Variants in UBE2R2 observed in about 807,000 individuals in gnomAD.
UBE2R2 encodes the protein ubiquitin-conjugating enzyme E2 R2.
Under a neutral mutation model 27.8 loss-of-function variants are expected in UBE2R2, and 1 was observed. The ratio of observed to expected loss-of-function variants is 0.04; its 90% CI spans 0.01 to 0.17. UBE2R2 has a LOEUF of 0.17. Among genes scored for constraint, UBE2R2 ranks in the 10% least tolerant of loss-of-function variants. UBE2R2 has a pLI of 1.00. For missense variants in UBE2R2, 100 were observed against 291.0 expected (o/e 0.34, Z 4.78); for synonymous variants, 106 against 113.3 (o/e 0.94, Z 0.41).
At chr9:33,898,150 ATCT>A in intron 2 of UBE2R2, among the ~76,000 whole-genome samples, 1 of 151,622 alleles carries the variant, frequency 6.6e-6, no homozygotes, top group Admixed American at 6.6e-5. Flanking sequence ...CAGTGGCGTG[ATCT>A]CAGCTCACTG....
intron 1 of UBE2R2, among the ~76,000 whole-genome samples, chr9:33,855,086 G>A (rs555396435): frequency 6.6e-6 from 1 of 152,132 alleles, no homozygotes; most frequent in African/African-American, 2.4e-5. Flanking sequence ...TTTGTTACTT[G>A]ACATATTTTG....
At chr9:33,877,014 C>G (rs1406361564) in intron 1 of UBE2R2, among the ~76,000 whole-genome samples, 1 of 151,678 alleles carries the variant, frequency 6.6e-6, no homozygotes, top group Non-Finnish European at 1.5e-5. Flanking sequence ...CATGTTGGCA[C>G]ATGCCTGTAA....
chr9:33,817,533 C>T lies in UBE2R2; in HGVS notation c.-225C>T, dbSNP rs1206404503. On this transcript the variant is annotated 5_prime_UTR_variant, in exon 1 of 5. Coordinates refer to ENST00000263228, the MANE Select transcript of UBE2R2 (RefSeq NM_017811.4). ...CCTCGACCTCTCCTCTCGCCCGGCC[C>T]GAGTGTGAGGAGAAGGGCCCGGCCC... 1.1e-5 allele frequency: 3 copies of T among 268,894 alleles called. No homozygotes were observed. Among genetic ancestry groups the T allele is most frequent in the African/African-American group, 4.6e-5 (2 of 43,762 alleles). 16.7% of individuals were successfully genotyped at this position (268,894 alleles called of 1,614,324 possible).
chr9:33,860,054 G>A (rs919296820), intron 1 of UBE2R2, among the ~76,000 whole-genome samples: 2 of 151,432 alleles, frequency 1.3e-5, no homozygotes, highest in Non-Finnish European at 2.9e-5. Flanking sequence ...CAGTTCTCCT[G>A]CCTTGGCCTC....
At chr9:33,853,862 A>T (rs1404332580) in intron 1 of UBE2R2, among the ~76,000 whole-genome samples, 1 of 146,596 alleles carries the variant, frequency 6.8e-6, no homozygotes, top group Non-Finnish European at 1.5e-5. Flanking sequence ...CTAGATAATT[A>T]AAAAAAAATA....
intron 1 of UBE2R2, among the ~76,000 whole-genome samples, chr9:33,864,096 G>C (rs940257904): frequency 1.3e-5 from 2 of 152,094 alleles, no homozygotes; most frequent in Non-Finnish European, 2.9e-5. Context: ...TAAAGTGCTG[G>C]GATTACAGGT....
rs1825839137 is a variant in UBE2R2, at chr9:33,817,748, CGCCGCCGCG to C, written c.-9_-1del. ...CCGGGCCCGGCGCCGCCGCCGCCGC[CGCCGCCGCG>C]ATGGCCCAGCAGCAGATGACCAGCT... On this transcript the variant is annotated 5_prime_UTR_variant, in exon 1 of 5. Coordinates refer to ENST00000263228, the MANE Select transcript of UBE2R2 (RefSeq NM_017811.4). 6.6e-7 allele frequency: 1 copy of C among 1,522,422 alleles called. No individual in the cohort carries two copies. The highest frequency in any genetic ancestry group is 1.2e-5 in the South Asian group (1 of 83,224). 94.3% of individuals were successfully genotyped at this position (1,522,422 alleles called of 1,614,324 possible).
At chr9:33,847,799 C>T (rs2130749070) in intron 1 of UBE2R2, among the ~76,000 whole-genome samples, 1 of 137,452 alleles carries the variant, frequency 7.3e-6, no homozygotes, top group South Asian at 2.2e-4. Context: ...GTTGCCCAGG[C>T]TGGAGTGCAA....
chr9:33,911,300 C>T (rs934458585), intron 3 of UBE2R2, among the ~76,000 whole-genome samples: 13 of 144,384 alleles, frequency 9.0e-5, no homozygotes, highest in Non-Finnish European at 1.8e-4. Context: ...CCCAGCTACT[C>T]GGGAGGCTGA....
intron 1 of UBE2R2, among the ~76,000 whole-genome samples, chr9:33,883,059 A>T (rs1315987464): frequency 1.3e-5 from 2 of 152,180 alleles, no homozygotes; most frequent in Non-Finnish European, 2.9e-5. Context: ...ACTGCACTTC[A>T]GCCTGGGCAA....
intron 2 of UBE2R2, among the ~76,000 whole-genome samples, chr9:33,888,495 C>T (rs1480063221): frequency 6.6e-6 from 1 of 152,068 alleles, no homozygotes. Flanking sequence ...ACTGAGCTAA[C>T]ATCACCTTTA....
chr9:33,829,014 T>G (rs1476754789), intron 1 of UBE2R2, among the ~76,000 whole-genome samples: 1 of 151,996 alleles, frequency 6.6e-6, no homozygotes, highest in Non-Finnish European at 1.5e-5. Context: ...GGATTACAAG[T>G]GTGAGCCACC....
At chr9:33,837,227 ATTTG>A (rs1444793325) in intron 1 of UBE2R2, among the ~76,000 whole-genome samples, 1 of 149,658 alleles carries the variant, frequency 6.7e-6, no homozygotes, top group Admixed American at 6.7e-5. Context: ...TTTTTCCTTT[ATTTG>A]TTTTTGAGAC....
At chr9:33,854,595 T>TA (rs1285808633) in intron 1 of UBE2R2, among the ~76,000 whole-genome samples, 1 of 152,162 alleles carries the variant, frequency 6.6e-6, no homozygotes, top group Non-Finnish European at 1.5e-5. Flanking sequence ...GTGCTGGGAT[T>TA]ACAGGTGTGA....
chr9:33,917,252 G>GC lies in UBE2R2; in HGVS notation c.*19dup. 6.2e-7 allele frequency: 1 copy of GC among 1,613,400 alleles called. No individual in the cohort carries two copies. Among genetic ancestry groups the GC allele is most frequent in the African/African-American group, 1.3e-5 (1 of 75,024 alleles). On this transcript the variant is annotated 3_prime_UTR_variant, in exon 5 of 5. Transcript: ENST00000263228. ...AGGAGTCGTGACGTGCTCCTTCAGT[G>GC]CCCCTGTACTGCCCTGCCATCTCAG... is the stretch of plus-strand genomic sequence containing the variant.
intron 1 of UBE2R2, chr9:33,868,555 G>A (rs1253839524): frequency 6.6e-6 from 1 of 152,128 alleles, no homozygotes; most frequent in Non-Finnish European, 1.5e-5. Flanking sequence ...CCTTTTCTTG[G>A]GGTTGCGCTG....
At chr9:33,819,712 C>A (rs911795562) in intron 1 of UBE2R2, among the ~76,000 whole-genome samples, 10 of 151,782 alleles carry the variant, frequency 6.6e-5, no homozygotes, top group African/African-American at 2.4e-4. Context: ...GATCTCGCCT[C>A]ACTGCAACCT....
chr9:33,913,395 A>T lies in UBE2R2; in HGVS notation c.497+1297A>T, dbSNP rs192617914. Reference sequence around the variant, plus strand: ...CACCTGGGCCTCCTGAGTAACTAAGACTATAGGCATGCACCACCACACCCA... The same window carrying T: ...CACCTGGGCCTCCTGAGTAACTAAGTCTATAGGCATGCACCACCACACCCA... On this transcript the variant is annotated intron_variant, in intron 4 of 4. Coordinates refer to ENST00000263228, the MANE Select transcript of UBE2R2 (RefSeq NM_017811.4). Among the ~76,000 whole-genome samples the T allele has an allele frequency of 6.7e-3, 1,026 of 152,134 alleles. 8 individuals carry two copies. The highest frequency in any genetic ancestry group is 7.8e-3 in the Non-Finnish European group (532 of 67,990).
intron 1 of UBE2R2, among the ~76,000 whole-genome samples, chr9:33,881,682 A>G (rs1821735394): frequency 1.3e-5 from 2 of 152,270 alleles, no homozygotes; most frequent in African/African-American, 4.8e-5. Context: ...CATGACTAGA[A>G]TGGGGTTATA....
Sources: allele counts gnomAD v4.1 joint callset (sites outside exome capture counted in the v4.1 genomes callset), GRCh38; gene constraint gnomAD v4.1.1; transcripts MANE v1.5; gene names NCBI Gene and HGNC (gene_info 2026-07-23, HGNC 2026-07-21).